PDE3A: variants seen among roughly 807,000 people sequenced by gnomAD.
The protein encoded by PDE3A is phosphodiesterase 3A, also known as cGMP-inhibited 3',5'-cyclic phosphodiesterase 3A.
A neutral mutation model predicts 98.3 loss-of-function variants in PDE3A; 43 were observed. The observed-to-expected ratio is 0.44, with a 90% CI of 0.34 to 0.56. The LOEUF is 0.56. Among genes scored for constraint, PDE3A ranks in the 20% least tolerant of loss-of-function variants. The pLI is 0.01. For missense variants in PDE3A, 1,427 were observed against 1,440.7 expected, an observed-to-expected ratio of 0.99 and a Z score of 0.15; for synonymous variants, 663 against 567.9, an observed-to-expected ratio of 1.17 and a Z score of -2.38.
rs573483569 is a variant in PDE3A, at chr12:20,631,663, A to T, written c.1760+1536A>T. ...AAGAAAGGAGAGAGATGTTCAGAAA[A>T]GCTCTACCACTCACGCAGCTTTTTT... On this transcript the variant is annotated intron_variant, in intron 6 of 15. Transcript: ENST00000359062. Among the ~76,000 whole-genome samples the T allele has an allele frequency of 2.7e-5, 4 of 150,924 alleles. No individual in the cohort carries two copies. The East Asian group carries it at 7.8e-4, about 30-fold the overall frequency.
chr12:20,385,938 T>C (rs887926823), intron 1 of PDE3A, among the ~76,000 whole-genome samples: 12 of 132,452 alleles, frequency 9.1e-5, no homozygotes, highest in Admixed American at 9.1e-5. Context: ...TAAAGTATAA[T>C]ACAAAGTATT....
intron 2 of PDE3A, among the ~76,000 whole-genome samples, chr12:20,567,617 C>G (rs1942694469): frequency 6.6e-6 from 1 of 151,896 alleles, no homozygotes; most frequent in African/African-American, 2.4e-5. Flanking sequence ...ACTACTCCCC[C>G]CCACTTCCTC....
At position 20,576,752 on chromosome 12, in the gene PDE3A, G is replaced by T. The variant is rs573442866; in HGVS notation, c.1011+20042G>T. The stretch of plus-strand genomic sequence containing the variant: ...CAATCTTCTTGTCAGTTACAGAAAA[G>T]ATATTGATAATGAGAATGTTATTTA... On this transcript the variant is annotated intron_variant, in intron 2 of 15. Transcript: ENST00000359062. Among the ~76,000 whole-genome samples, 13 of 152,220 alleles carry T rather than the reference G, an allele frequency of 8.5e-5. No individual in the cohort carries two copies. In the East Asian group the frequency reaches 2.3e-3, roughly 27 times the overall value.
intron 15 of PDE3A, among the ~76,000 whole-genome samples, chr12:20,678,479 C>A (rs1016042277): frequency 2.6e-5 from 4 of 152,028 alleles, no homozygotes; most frequent in Non-Finnish European, 4.4e-5. Flanking sequence ...TAAGGTAGAA[C>A]CTTTTTTTTG....
At chr12:20,388,859 A>G (rs1383032726) in intron 1 of PDE3A, among the ~76,000 whole-genome samples, 2 of 152,058 alleles carry the variant, frequency 1.3e-5, no homozygotes, top group South Asian at 2.1e-4. Context: ...GAATAAATGA[A>G]TAGAGAAAGA....
At chr12:20,508,655 G>C (rs1257797317) in intron 1 of PDE3A, among the ~76,000 whole-genome samples, 1 of 151,928 alleles carries the variant, frequency 6.6e-6, no homozygotes, top group Non-Finnish European at 1.5e-5. Flanking sequence ...CTTGAAAGCA[G>C]CCTAGATGAA....
At chr12:20,384,526 T>G in intron 1 of PDE3A, among the ~76,000 whole-genome samples, 1 of 152,004 alleles carries the variant, frequency 6.6e-6, no homozygotes, top group East Asian at 1.9e-4. Flanking sequence ...TTAAAAATTT[T>G]AATTTAATTT....
At chr12:20,480,318 A>AT (rs1945601433) in intron 1 of PDE3A, among the ~76,000 whole-genome samples, 1 of 152,162 alleles carries the variant, frequency 6.6e-6, no homozygotes, top group Non-Finnish European at 1.5e-5. Context: ...CAGGTTATAT[A>AT]TTTTTTAGCT....
At chr12:20,572,230 C>A in intron 2 of PDE3A, 2 of 648,986 alleles carry the variant, frequency 3.1e-6, no homozygotes, top group Non-Finnish European at 2.3e-6. Flanking sequence ...TAGAGAAGGA[C>A]AGTTGAAAGC....
At chr12:20,551,737 G>T in intron 1 of PDE3A, 12 of 1,613,966 alleles carry the variant, frequency 7.4e-6, no homozygotes, top group East Asian at 2.2e-5. Flanking sequence ...TGCCAGCGAG[G>T]TGGTACTGGC....
intron 1 of PDE3A, among the ~76,000 whole-genome samples, chr12:20,455,881 T>C (rs905407137): frequency 5.3e-5 from 8 of 152,138 alleles, no homozygotes; most frequent in Non-Finnish European, 1.5e-5. Flanking sequence ...TAGGTACTGT[T>C]ACTGTGTGAT....
intron 1 of PDE3A, among the ~76,000 whole-genome samples, chr12:20,435,546 A>G (rs1316075320): frequency 6.6e-6 from 1 of 152,152 alleles, no homozygotes; most frequent in East Asian, 1.9e-4. Context: ...TGGTGATAGG[A>G]AAAGTACTAT....
intron 1 of PDE3A, among the ~76,000 whole-genome samples, chr12:20,417,200 T>C (rs965810449): frequency 6.6e-6 from 1 of 152,218 alleles, no homozygotes; most frequent in African/African-American, 2.4e-5. Context: ...TGTGACATTA[T>C]GTGGCATGCC....
chr12:20,468,762 GTGGGT>G (rs1426265323), intron 1 of PDE3A, among the ~76,000 whole-genome samples: 2 of 152,220 alleles, frequency 1.3e-5, no homozygotes, highest in African/African-American at 4.8e-5. Context: ...GATGTTAGTA[GTGGGT>G]TGGCAAGCAC....
intron 2 of PDE3A, among the ~76,000 whole-genome samples, chr12:20,581,901 A>C (rs948646079): frequency 2.0e-5 from 3 of 152,038 alleles, no homozygotes; most frequent in African/African-American, 7.2e-5. Context: ...TAAATGTAAA[A>C]TCTATAGAGA....
intron 15 of PDE3A, among the ~76,000 whole-genome samples, chr12:20,677,384 T>C (rs1945668375): frequency 6.6e-6 from 1 of 152,190 alleles, no homozygotes. Flanking sequence ...TCATATTTTC[T>C]TGCTTTTTCA....
chr12:20,561,781 A>G (rs1303108974), intron 2 of PDE3A, among the ~76,000 whole-genome samples: 2 of 152,194 alleles, frequency 1.3e-5, no homozygotes, highest in East Asian at 1.9e-4. Context: ...AAGATGCACC[A>G]TTCATATCAA....
intron 1 of PDE3A, among the ~76,000 whole-genome samples, chr12:20,419,599 T>C (rs572779388): frequency 9.9e-5 from 15 of 152,006 alleles, no homozygotes; most frequent in Non-Finnish European, 2.2e-4. Flanking sequence ...ATGTGGCTAA[T>C]GTTTTTGTTC....
chr12:20,583,758 T>C (rs1263303078), intron 2 of PDE3A, among the ~76,000 whole-genome samples: 2 of 152,218 alleles, frequency 1.3e-5, no homozygotes, highest in African/African-American at 4.8e-5. Context: ...TGTTACTAAT[T>C]GGCTTTTTTT....
Sources: gnomAD v4.1 joint callset for allele counts (sites outside exome capture counted in the v4.1 genomes callset) on GRCh38, gnomAD v4.1.1 for gene constraint, MANE v1.5 for transcripts, NCBI Gene and HGNC (gene_info 2026-07-23, HGNC 2026-07-21) for gene names.